MATN2: variants seen among roughly 807,000 people sequenced by gnomAD.
The protein encoded by MATN2 is matrilin 2, also known as matrilin-2.
A neutral mutation model predicts 103.2 loss-of-function variants in MATN2; 69 were observed. The observed-to-expected ratio is 0.67, with a 90% confidence interval of 0.55 to 0.82. The LOEUF is 0.82. MATN2 is among the 40% of genes least tolerant of loss of function. MATN2 has a pLI of 0.00. For synonymous variants in MATN2, 429 were observed against 450.2 expected, an observed-to-expected ratio of 0.95 and a Z score of 0.60; for missense variants, 1,023 against 1,211.5, an observed-to-expected ratio of 0.84 and a Z score of 2.31.
intron 2 of MATN2, among the ~76,000 whole-genome samples, chr8:97,893,361 C>T (rs988109313): frequency 2.6e-5 from 4 of 152,160 alleles, no homozygotes; most frequent in Non-Finnish European, 4.4e-5. Flanking sequence ...CCACACTCCT[C>T]GCTAGGCCCT....
In MATN2 at chr8:98,007,002, T is replaced by A; in HGVS notation, c.1328-103T>A. On this transcript the variant is annotated intron_variant, in intron 8 of 18. Coordinates refer to ENST00000254898, the MANE Select transcript of MATN2 (RefSeq NM_002380.5). This position sits in a 1 kb window ranked among gnomAD's most constrained non-coding sequence, Gnocchi z 4.2. ...AGTGATGTGGGGTAGAATGACACCTTCCCTGTGGCTTGTTATGCCTCCGGT... is the reference window on the plus strand; with the variant it reads ...AGTGATGTGGGGTAGAATGACACCTACCCTGTGGCTTGTTATGCCTCCGGT... 1 of 1,260,654 alleles carries A rather than the reference T, an allele frequency of 7.9e-7. No homozygotes were observed. The highest frequency in any genetic ancestry group is 1.4e-5 in the South Asian group (1 of 73,520). 78.1% of individuals were successfully genotyped at this position (1,260,654 alleles called of 1,614,324 possible). A position where few individuals can be genotyped will look rare whatever the true frequency, so the allele number is the denominator to read the frequency against.
At chr8:97,937,878 C>A (rs1271263693) in intron 3 of MATN2, among the ~76,000 whole-genome samples, 1 of 152,138 alleles carries the variant, frequency 6.6e-6, no homozygotes, top group African/African-American at 2.4e-5. Flanking sequence ...CATGCCTGGC[C>A]TAATTTCCGC....
chr8:97,988,643 A>G (rs1171272286), intron 6 of MATN2, among the ~76,000 whole-genome samples: 1 of 152,116 alleles, frequency 6.6e-6, no homozygotes, highest in Non-Finnish European at 1.5e-5. Flanking sequence ...ACCAAAAACA[A>G]AAGAATATAG....
chr8:98,035,112 C>T (rs560255742), intron 18 of MATN2, among the ~76,000 whole-genome samples: 36 of 152,030 alleles, frequency 2.4e-4, no homozygotes, highest in Non-Finnish European at 4.0e-4. Flanking sequence ...AATCCCAGCA[C>T]TTTGGGAGGC....
chr8:98,018,759 A>G (rs1313106664), intron 12 of MATN2, among the ~76,000 whole-genome samples: 2 of 152,090 alleles, frequency 1.3e-5, no homozygotes, highest in East Asian at 1.9e-4. Context: ...AGCACAGGAA[A>G]GCCCCGTCCC....
rs767226435 is a variant in MATN2, at chr8:97,994,462, A to AT, written c.1082-13dup. On this transcript the variant is annotated splice_polypyrimidine_tract_variant and intron_variant, in intron 6 of 18. Transcript: ENST00000254898. ...TATTGATTGGTTTGCCATTCTTGTG[A>AT]TTTTTCCTTCTTGCCAGAGATAGAC... 1 of 1,592,412 alleles carries AT rather than the reference A, an allele frequency of 6.3e-7. No homozygotes were observed. Among genetic ancestry groups the AT allele is most frequent in the Non-Finnish European group, 8.5e-7 (1 of 1,172,638 alleles).
chr8:97,919,991 G>A (rs990280269), intron 2 of MATN2, among the ~76,000 whole-genome samples: 4 of 152,188 alleles, frequency 2.6e-5, no homozygotes, highest in African/African-American at 4.8e-5. Flanking sequence ...GCCTAGCAGA[G>A]AGGGCGCTGT....
At chr8:97,983,553 G>A (rs1812095655) in intron 6 of MATN2, among the ~76,000 whole-genome samples, 1 of 152,190 alleles carries the variant, frequency 6.6e-6, no homozygotes, top group Non-Finnish European at 1.5e-5. Context: ...CATGTCTTTG[G>A]TAGCAAGGAG....
chr8:97,876,698 A>G (rs1490468934), intron 1 of MATN2, among the ~76,000 whole-genome samples: 1 of 152,176 alleles, frequency 6.6e-6, no homozygotes, highest in Admixed American at 6.5e-5. Context: ...TTTTCATGAC[A>G]TAAACCCATG....
intron 1 of MATN2, among the ~76,000 whole-genome samples, chr8:97,878,765 C>T (rs1308897435): frequency 6.6e-6 from 1 of 151,818 alleles, no homozygotes; most frequent in Non-Finnish European, 1.5e-5. Flanking sequence ...GCAGGAGAGT[C>T]ACTTGAATCT....
intron 7 of MATN2, among the ~76,000 whole-genome samples, chr8:98,003,127 C>T (rs546046253): frequency 6.6e-6 from 1 of 151,956 alleles, no homozygotes; most frequent in East Asian, 1.9e-4. Context: ...GTCCCCTCAT[C>T]CCCGGGCATT....
In MATN2 at chr8:98,027,129, T is replaced by C. The variant is rs1813835896; in HGVS notation, c.1943-287T>C. 2.6e-5 allele frequency among the ~76,000 whole-genome samples: 4 copies of C among 152,118 alleles called. No homozygotes were observed. The South Asian group carries it at 8.3e-4, about 31-fold the overall frequency. On this transcript the variant is annotated intron_variant, in intron 13 of 18. Transcript: ENST00000254898. Reference sequence around the variant, plus strand: ...ACCCAGCTCCTCCCAGACCTGTCAGTGTTCCAGGGTACAATGTAGACTTGG... The same window carrying C: ...ACCCAGCTCCTCCCAGACCTGTCAGCGTTCCAGGGTACAATGTAGACTTGG...
rs1297871416 is a variant in MATN2, at chr8:97,869,265, T to G, written c.-49T>G. ...CCGGGTGGCTGCGCCCCTGCCTCGC[T>G]TCCCAGGCGCCGGCGGCTGCAGGTG... is the stretch of plus-strand genomic sequence containing the variant. On this transcript the variant is annotated 5_prime_UTR_variant, in exon 1 of 19. Transcript: ENST00000254898. 1 of 152,160 alleles carries G rather than the reference T, an allele frequency of 6.6e-6. No individual in the cohort carries two copies. Among genetic ancestry groups the G allele is most frequent in the Non-Finnish European group, 1.5e-5 (1 of 68,022 alleles). 9.4% of individuals were successfully genotyped at this position (152,160 alleles called of 1,614,324 possible). A position where few individuals can be genotyped will look rare whatever the true frequency, so the allele number is the denominator to read the frequency against.
At chr8:98,031,327 G>A (rs1008828511) in intron 15 of MATN2, 1 of 151,440 alleles carries the variant, frequency 6.6e-6, no homozygotes, top group Non-Finnish European at 1.5e-5. Context: ...GACAAAGCAA[G>A]ACCCTGTCTC....
In MATN2 at chr8:97,975,031, A is replaced by G. The variant is rs781587779; in HGVS notation, c.959-3855A>G. 5.1e-4 allele frequency among the ~76,000 whole-genome samples: 77 copies of G among 152,224 alleles called. 2 individuals carry two copies. The highest frequency in any genetic ancestry group is 4.3e-3 in the Admixed American group (66 of 15,284). On this transcript the variant is annotated intron_variant, in intron 5 of 18. Coordinates refer to ENST00000254898, the MANE Select transcript of MATN2 (RefSeq NM_002380.5). The stretch of plus-strand genomic sequence containing the variant: ...CACACTTTGAGAACCAATGTTTATA[A>G]GAATACATCTCAGTCAATGGAAAAA...
intron 2 of MATN2, 67 bp from the exon 3 acceptor site, chr8:97,930,886 G>T: frequency 8.1e-6 from 9 of 1,117,852 alleles, no homozygotes; most frequent in Non-Finnish European, 1.2e-5. Flanking sequence ...AAAGTGCTGG[G>T]ATTACAGGTG....
At chr8:97,979,075 G>T (rs926254318) in intron 6 of MATN2, 67 bp downstream of exon 6, 5 of 1,509,762 alleles carry the variant, frequency 3.3e-6, no homozygotes, top group Non-Finnish European at 4.5e-6. Context: ...CTGTGACCAT[G>T]GAACTCTCTC....
At chr8:97,963,435 C>G (rs1182937497) in intron 5 of MATN2, among the ~76,000 whole-genome samples, 1 of 152,130 alleles carries the variant, frequency 6.6e-6, no homozygotes, top group East Asian at 1.9e-4. Flanking sequence ...CCATGGGAAA[C>G]TGGAGGCCAC....
chr8:97,984,614 A>G (rs967687210), intron 6 of MATN2, among the ~76,000 whole-genome samples: 4 of 152,208 alleles, frequency 2.6e-5, no homozygotes, highest in African/African-American at 9.6e-5. Context: ...GAGGGATGAG[A>G]GCTATCTTCC....
Sources: allele counts gnomAD v4.1 joint callset (sites outside exome capture counted in the v4.1 genomes callset), GRCh38; gene constraint gnomAD v4.1.1; non-coding constraint Gnocchi (gnomAD v3.1); transcripts MANE v1.5; gene names NCBI Gene and HGNC (gene_info 2026-07-23, HGNC 2026-07-21).